Variants in CHD7 observed in about 807,000 individuals in gnomAD.
The protein encoded by CHD7 is chromodomain helicase DNA binding protein 7.
Under a neutral mutation model 307.3 loss-of-function variants are expected in CHD7, and 24 were observed. The ratio of observed to expected loss-of-function variants is 0.08; its 90% CI spans 0.06 to 0.11. The LOEUF is 0.11. Among genes scored for constraint, CHD7 ranks in the 10% least tolerant of loss-of-function variants. The probability of loss-of-function intolerance (pLI) is 1.00; values close to 1 mark genes in which losing one functional copy is unlikely to be tolerated. For missense variants in CHD7, 3,106 were observed against 3,727.1 expected, an observed-to-expected ratio of 0.83 and a Z score of 4.34; for synonymous variants, 1,363 against 1,349.9, an observed-to-expected ratio of 1.01 and a Z score of -0.21.
chr8:60,680,406 GGGGGCGGGGGC>G (rs1805552413), intron 1 of CHD7, among the ~76,000 whole-genome samples: 1 of 128,286 alleles, frequency 7.8e-6, no homozygotes, highest in African/African-American at 2.9e-5. Flanking sequence ...CGCGGGGGGG[GGGGGCGGGGGC>G]GGCGGCGGCG....
chr8:60,855,861 C>T, intron 32 of CHD7, 114 bp from the exon 33 acceptor site: 2 of 675,042 alleles, frequency 3.0e-6, no homozygotes, highest in South Asian at 2.0e-5. Context: ...ACTTTTTGTC[C>T]TCCAGTTGAC....
chr8:60,838,301 A>G lies in CHD7; in HGVS notation c.4533+46A>G, dbSNP rs7844902. 1,179,178 of 1,534,680 alleles carry G rather than the reference A, an allele frequency of 0.77. 455,325 individuals carry two copies. The highest frequency in any genetic ancestry group is 0.94 in the East Asian group (40,248 of 42,904). ...GCCAGGTTTTCCATAGAAGCATGAC[A>G]GAGTTCATGTGAAAAGTACCTTGTA... is the stretch of plus-strand genomic sequence containing the variant. On this transcript the variant is annotated intron_variant, in intron 19 of 37. Transcript: ENST00000423902.
chr8:60,810,380 A>AGAGAGT (rs534826288), intron 7 of CHD7, among the ~76,000 whole-genome samples: 1 of 145,980 alleles, frequency 6.9e-6, no homozygotes, highest in Non-Finnish European at 1.5e-5. Flanking sequence ...AGAGAGAGAG[A>AGAGAGT]GTGTGTGTGT....
rs768074891 is a variant in CHD7 at position 60,856,528 on chromosome 8, G to A, written c.7248G>A (p.Lys2416=). The A allele has an allele frequency of 2.1e-5, 34 of 1,613,896 alleles. No individual in the cohort carries two copies. The highest frequency in any genetic ancestry group is 2.6e-5 in the Non-Finnish European group (31 of 1,179,904). The change falls in exon 34 of 38, where the codon AAG becomes AAA. Residue 2416 remains lysine (K), a synonymous_variant. Coordinates refer to ENST00000423902, the MANE Select transcript of CHD7 (RefSeq NM_017780.4). ...AAATTGAGGCCGAAAGAGCTGCCAA[G>A]AGGCGAAATCTCATGGAGATGGTTG... The part of the protein sequence containing the change: ...KIEIEAERAA[K]RRNLMEMVAQ...
chr8:60,784,972 C>T (rs1363619212), intron 3 of CHD7, among the ~76,000 whole-genome samples: 1 of 152,130 alleles, frequency 6.6e-6, no homozygotes, highest in Non-Finnish European at 1.5e-5. Flanking sequence ...GTCCTTACAG[C>T]TTTCAAATAT....
chr8:60,704,674 G>A (rs1586187124), intron 1 of CHD7, among the ~76,000 whole-genome samples: 1 of 151,742 alleles, frequency 6.6e-6, no homozygotes, highest in East Asian at 1.9e-4. Context: ...GTCTGAGAAA[G>A]ATTTAGCAGG....
At position 60,699,771 on chromosome 8, in the gene CHD7, T is replaced by C. The variant is rs74738144; in HGVS notation, c.-175+20689T>C. Among the ~76,000 whole-genome samples, 827 of 152,290 alleles carry C rather than the reference T, an allele frequency of 5.4e-3. 8 individuals are homozygous for C. The highest frequency in any genetic ancestry group is 0.019 in the African/African-American group (799 of 41,574). Reference sequence around the variant, plus strand: ...TCATCCGTCACATTCTGCTCTCACCTGCATAACAGGTTAGATGGCATTGTT... The same window carrying C: ...TCATCCGTCACATTCTGCTCTCACCCGCATAACAGGTTAGATGGCATTGTT... On this transcript the variant is annotated intron_variant, in intron 1 of 37. Transcript: ENST00000423902.
rs931559083 is a variant in CHD7 at position 60,742,577 on chromosome 8, A to G, written c.1145A>G (p.His382Arg). 1.2e-6 allele frequency: 2 copies of G among 1,613,968 alleles called. No homozygotes were observed. The change falls in exon 2 of 38, where the codon CAT becomes CGT. Residue 382 changes from histidine (H) to arginine (R), a missense_variant. Around this residue, in one of 10 missense-constraint regions of CHD7, gnomAD observed 998 missense variants for 1,004.5 expected, o/e 0.99. Transcript: ENST00000423902. Reference sequence around the variant, plus strand: ...AACCAAATGAACACACAAACTATGCATCCTTCACAGCCTCAGGGAACTTAT... The same window carrying G: ...AACCAAATGAACACACAAACTATGCGTCCTTCACAGCCTCAGGGAACTTAT... ...SLNQMNTQTM[H>R]PSQPQGTYAS...
At chr8:60,739,042 C>T (rs1260219032) in intron 1 of CHD7, among the ~76,000 whole-genome samples, 1 of 152,124 alleles carries the variant, frequency 6.6e-6, no homozygotes, top group African/African-American at 2.4e-5. Flanking sequence ...GCCACTTCTC[C>T]AAGCTTGATC....
chr8:60,750,735 C>T (rs999807617), intron 2 of CHD7, among the ~76,000 whole-genome samples: 1 of 152,136 alleles, frequency 6.6e-6, no homozygotes, highest in Admixed American at 6.5e-5. Flanking sequence ...GCTCAGTGAC[C>T]ACACATGGCT....
chr8:60,696,873 G>T (rs555175795), intron 1 of CHD7, among the ~76,000 whole-genome samples: 1 of 151,000 alleles, frequency 6.6e-6, no homozygotes, highest in African/African-American at 2.4e-5. Flanking sequence ...AGATTGCTTG[G>T]CAGTTTTGGC....
rs368279646 is a variant in CHD7 at position 60,850,620 on chromosome 8, C to T, written c.5532C>T (p.Asp1844=). 2.0e-5 allele frequency: 32 copies of T among 1,610,038 alleles called. No individual in the cohort carries two copies. The highest frequency in any genetic ancestry group is 6.7e-5 in the East Asian group (3 of 44,770). ...CAGACATGCTAGCAGATGGTGGTGA[C>T]GGGTAAGAAGGACATTTTAAAATTT... ...RGTDMLADGG[D]GGEFDREDED... is the part of the protein sequence containing the mutation. Residue 1844 remains aspartate, a splice_region_variant and synonymous_variant, in exon 26 of 38, where the codon GAC becomes GAT. Transcript: ENST00000423902.
chr8:60,786,613 G>A (rs1021481847), intron 3 of CHD7, among the ~76,000 whole-genome samples: 2 of 152,190 alleles, frequency 1.3e-5, no homozygotes, highest in Admixed American at 6.5e-5. Context: ...GCAGTGGGAT[G>A]TTAAAGGGAG....
At chr8:60,854,700 G>T (rs1031929449) in intron 32 of CHD7, among the ~76,000 whole-genome samples, 177 bp downstream of exon 32, 1 of 152,168 alleles carries the variant, frequency 6.6e-6, no homozygotes, top group Admixed American at 6.5e-5. Flanking sequence ...GAAAAAAATT[G>T]TAGAACACTT....
intron 15 of CHD7, among the ~76,000 whole-genome samples, chr8:60,835,668 TTTG>T (rs765694129): frequency 1.2e-4 from 18 of 152,202 alleles, no homozygotes; most frequent in Non-Finnish European, 2.2e-4. Context: ...CGGAACAGAT[TTTG>T]TTGTTTGTGT....
chr8:60,751,430 A>AG (rs1324828747), intron 2 of CHD7, among the ~76,000 whole-genome samples: 1 of 152,222 alleles, frequency 6.6e-6, no homozygotes, highest in Non-Finnish European at 1.5e-5. Context: ...GAAGTGGGTT[A>AG]GGGGGACAAT....
At chr8:60,821,736 A>AAACATATATATACACATATATATGTATG in intron 9 of CHD7, 54 bp from the exon 10 acceptor site, 1 of 1,472,352 alleles carries the variant, frequency 6.8e-7, no homozygotes, top group Non-Finnish European at 9.2e-7. Flanking sequence ...ATATATGTAT[A>AAACATATATATACACATATATATGTATG]TGTATGTATG....
chr8:60,706,690 GA>G (rs1207960208), intron 1 of CHD7, among the ~76,000 whole-genome samples: 29 of 152,156 alleles, frequency 1.9e-4, no homozygotes, highest in African/African-American at 7.0e-4. Context: ...GGTGATTTAA[GA>G]AGTTTGAAAC....
rs2150801594 is a variant in CHD7, at chr8:60,849,061, G to A, written c.5311G>A (p.Val1771Met). 1.2e-6 allele frequency: 2 copies of A among 1,612,800 alleles called. No individual in the cohort carries two copies. The highest frequency in any genetic ancestry group is 2.2e-5 in the South Asian group (2 of 91,046). The part of the protein sequence containing the change: ...LEGADSSEAD[V>M]WIPEPFHAEV... ...AATGTTGTCTTTCAGTGAAGCCGAT[G>A]TGTGGATCCCTGAACCTTTCCATGC... Residue 1771 changes from valine to methionine, a missense_variant, in exon 25 of 38, where the codon GTG (valine) becomes ATG (methionine). This residue lies in a region of CHD7 where 1,030 missense variants were observed against 1,165.4 expected (regional missense o/e 0.88). Transcript: ENST00000423902.
Sources: allele counts gnomAD v4.1 joint callset (sites outside exome capture counted in the v4.1 genomes callset), GRCh38; gene constraint gnomAD v4.1.1; regional missense constraint gnomAD v4.1.1; transcripts MANE v1.5; gene names NCBI Gene and HGNC (gene_info 2026-07-23, HGNC 2026-07-21).